Variants in MYO9A observed in about 807,000 individuals in gnomAD.
The protein encoded by MYO9A is unconventional myosin-IXa.
In MYO9A, 103 loss-of-function variants were observed where a neutral mutation model predicts 293.3. That is an observed-to-expected ratio of 0.35 (90% CI 0.30 to 0.41). The LOEUF (loss-of-function observed/expected upper bound fraction) is 0.41. Among genes scored for constraint, MYO9A ranks in the 10% least tolerant of loss-of-function variants. The pLI is 1.00. For synonymous variants in MYO9A, 1,001 were observed against 1,035.7 expected (o/e 0.97, Z 0.64); for missense variants, 2,685 against 3,033.0 (o/e 0.89, Z 2.69).
At chr15:72,028,802 T>C (rs1438143576) in intron 3 of MYO9A, among the ~76,000 whole-genome samples, 1 of 152,252 alleles carries the variant, frequency 6.6e-6, no homozygotes, top group South Asian at 2.1e-4. Context: ...TCTTTTTATA[T>C]ATTTACGCTA....
At position 72,101,065 on chromosome 15, in the gene MYO9A, G is replaced by A. The variant is rs1398216884; in HGVS notation, c.-72+16615C>T. On this transcript the variant is annotated intron_variant, in intron 1 of 41. Coordinates refer to ENST00000356056, the MANE Select transcript of MYO9A (RefSeq NM_006901.4). ...GCCAGCCGCCCCGTCAGGGAGGGAG[G>A]TGGGGGGTTCAGCCCCCCGCCAGGC... 2.1e-5 allele frequency among the ~76,000 whole-genome samples: 3 copies of A among 141,812 alleles called. No homozygotes were observed. The East Asian group carries it at 6.9e-4, about 32-fold the overall frequency. 93.0% of individuals were successfully genotyped at this position (141,812 alleles called of 152,430 possible).
chr15:71,923,076 T>G (rs910973007), intron 18 of MYO9A, among the ~76,000 whole-genome samples: 1 of 152,142 alleles, frequency 6.6e-6, no homozygotes, highest in Admixed American at 6.5e-5. Flanking sequence ...ATCATGAGAG[T>G]TTTTATCATG....
chr15:72,051,545 G>GC (rs1355067286), intron 1 of MYO9A, among the ~76,000 whole-genome samples: 2 of 152,206 alleles, frequency 1.3e-5, no homozygotes, highest in Admixed American at 6.5e-5. Context: ...GCCCAGGAAG[G>GC]CCCCCCGCCC....
chr15:72,042,183 CA>C (rs769890860), intron 2 of MYO9A, among the ~76,000 whole-genome samples: 2,175 of 55,342 alleles, frequency 0.039, 46 homozygotes, highest in African/African-American at 0.12. Context: ...AGATAGAATG[CA>C]AAAAAAAAAA....
At chr15:71,848,755 C>A in intron 39 of MYO9A, 90 bp downstream of exon 39, 3 of 1,376,734 alleles carry the variant, frequency 2.2e-6, no homozygotes, top group Non-Finnish European at 2.9e-6. Context: ...AAAAAAGATT[C>A]TGATAATAAT....
intron 27 of MYO9A, among the ~76,000 whole-genome samples, chr15:71,885,922 G>C (rs914985028): frequency 6.6e-6 from 1 of 151,524 alleles, no homozygotes; most frequent in African/African-American, 2.4e-5. Context: ...TTTGATTCTT[G>C]AGTTGCTCCT....
chr15:72,113,506 A>T (rs2080856786), intron 1 of MYO9A, among the ~76,000 whole-genome samples: 1 of 152,228 alleles, frequency 6.6e-6, no homozygotes, highest in Non-Finnish European at 1.5e-5. Flanking sequence ...TAGATCATGA[A>T]TGATCTCATA....
At chr15:71,935,775 A>T (rs1484006058) in intron 16 of MYO9A, among the ~76,000 whole-genome samples, 1 of 152,100 alleles carries the variant, frequency 6.6e-6, no homozygotes, top group South Asian at 2.1e-4. Context: ...AGTAACTAAT[A>T]AAATGGATTA....
Position 71,935,361 on chromosome 15 carries a change from C to T in MYO9A, c.2502G>A (p.Glu834=). 1 of 1,613,558 alleles carries T rather than the reference C, an allele frequency of 6.2e-7. No individual in the cohort carries two copies. The highest frequency in any genetic ancestry group is 1.7e-5 in the Admixed American group (1 of 60,000). Residue 834 remains glutamate (E), a synonymous_variant, in exon 17 of 42, where the codon GAG becomes GAA. Transcript: ENST00000356056. ...CTGACGTGAGAATTCCATGGGCTCT[C>T]TCCAGGAGTTTGCTGCTAGTTGAAT... The part of the protein sequence containing the change: ...FANSTSSKLL[E]RAHGILTRNK...
intron 3 of MYO9A, among the ~76,000 whole-genome samples, chr15:72,028,218 A>AATATATATATATATATATATATAAAT (rs33914430): frequency 1.4e-3 from 183 of 134,216 alleles, no homozygotes; most frequent in African/African-American, 4.1e-3. Context: ...TAAATAAATA[A>AATATATATATATATATATATATAAAT]ATATATATAT....
rs777598692 is a variant in MYO9A at position 71,828,023 on chromosome 15, C to T, written c.7044G>A (p.Glu2348=). ...EQIENLQKEK[E]ELTFEMLVLE... is the part of the protein sequence containing the mutation. Reference sequence around the variant, plus strand: ...GTACAAGCATCTCAAATGTTAGCTCCTCCCTGTAAGACACAATCAAGAAAC... The same window carrying T: ...GTACAAGCATCTCAAATGTTAGCTCTTCCCTGTAAGACACAATCAAGAAAC... Residue 2348 remains glutamate (E), a synonymous_variant, in exon 41 of 42, where the codon GAG becomes GAA. Coordinates refer to ENST00000356056, the MANE Select transcript of MYO9A (RefSeq NM_006901.4). 9 of 1,612,474 alleles carry T rather than the reference C, an allele frequency of 5.6e-6. No homozygotes were observed. Among genetic ancestry groups the T allele is most frequent in the Middle Eastern group, 1.6e-4 (1 of 6,072 alleles).
chr15:71,830,437 GC>G (rs2054676052), intron 39 of MYO9A, 126 bp from the exon 40 acceptor site: 1 of 872,744 alleles, frequency 1.1e-6, no homozygotes, highest in Admixed American at 2.5e-5. Context: ...GAAACACTCT[GC>G]GAGGCCTAGG....
At chr15:72,058,623 T>C (rs1328473021) in intron 1 of MYO9A, among the ~76,000 whole-genome samples, 1 of 152,204 alleles carries the variant, frequency 6.6e-6, no homozygotes, top group African/African-American at 2.4e-5. Context: ...TGCTGTATCT[T>C]TTATATAGAA....
At chr15:71,893,112 T>C in intron 26 of MYO9A, 2 of 1,290,058 alleles carry the variant, frequency 1.6e-6, no homozygotes, top group Non-Finnish European at 2.0e-6. Context: ...CAAAAGTACC[T>C]CTAGTCAAGA....
At chr15:71,892,881 AAGCTGTGAAGGTT>A in intron 26 of MYO9A, 1 of 846,618 alleles carries the variant, frequency 1.2e-6, no homozygotes, top group Non-Finnish European at 1.6e-6. Context: ...ACATGGGAAG[AAGCTGTGAAGGTT>A]AGCTTTAGAT....
chr15:72,109,267 G>A (rs1240415733), intron 1 of MYO9A, among the ~76,000 whole-genome samples: 1 of 151,834 alleles, frequency 6.6e-6, no homozygotes, highest in Non-Finnish European at 1.5e-5. Context: ...GCGGGTGCCT[G>A]TAGTCCCAGC....
At chr15:71,916,581 T>A in intron 18 of MYO9A, 89 bp from the exon 19 acceptor site, 2 of 1,264,370 alleles carry the variant, frequency 1.6e-6, no homozygotes, top group South Asian at 2.9e-5. Flanking sequence ...TTCCTATCTA[T>A]ATGACCATTT....
intron 9 of MYO9A, 34 bp from the exon 10 acceptor site, chr15:71,994,619 A>T (rs967259298): frequency 7.8e-7 from 1 of 1,274,382 alleles, no homozygotes; most frequent in South Asian, 1.4e-5. Flanking sequence ...TGCATGTAGA[A>T]TTGACAATGA....
chr15:72,051,202 C>A (rs2078550759), intron 1 of MYO9A, among the ~76,000 whole-genome samples: 1 of 152,146 alleles, frequency 6.6e-6, no homozygotes, highest in Non-Finnish European at 1.5e-5. Context: ...GTAGCTGGGA[C>A]TGTAAGTGCA....
Sources: gnomAD v4.1 joint callset for allele counts (sites outside exome capture counted in the v4.1 genomes callset) on GRCh38, gnomAD v4.1.1 for gene constraint, MANE v1.5 for transcripts, NCBI Gene and HGNC (gene_info 2026-07-23, HGNC 2026-07-21) for gene names.